The following SPINT2 variants were observed in gnomAD, a reference collection of about 807,000 sequenced individuals.
SPINT2 encodes the protein serine peptidase inhibitor, Kunitz type 2.
A neutral mutation model predicts 30.1 loss-of-function variants in SPINT2; 18 were observed. The ratio of observed to expected loss-of-function variants is 0.60; its 90% CI spans 0.41 to 0.89. The LOEUF (loss-of-function observed/expected upper bound fraction) is 0.89, where lower values mean the gene tolerates loss of function less well. Ranked by LOEUF, SPINT2 falls within the 40% of genes least tolerant of loss-of-function variation. SPINT2 has a pLI of 0.00. For synonymous variants in SPINT2, 139 were observed against 137.9 expected, an observed-to-expected ratio of 1.01 and a Z score of -0.05; for missense variants, 276 against 334.3, an observed-to-expected ratio of 0.83 and a Z score of 1.36.
At chr19:38,277,191 C>T (rs756652173) in intron 1 of SPINT2, among the ~76,000 whole-genome samples, 5 of 152,162 alleles carry the variant, frequency 3.3e-5, no homozygotes, top group Admixed American at 6.5e-5. Context: ...GCAAAGTAGA[C>T]ACAGCTGCAA....
chr19:38,269,776 A>AT (rs930425484), intron 1 of SPINT2, among the ~76,000 whole-genome samples: 15 of 150,388 alleles, frequency 1.0e-4, no homozygotes, highest in African/African-American at 3.4e-4. Flanking sequence ...CGCCCGGCTA[A>AT]TTTTTTGTAT....
Position 38,264,923 on chromosome 19 carries a change from C to T in SPINT2, c.31C>T (p.Arg11Trp). The T allele has an allele frequency of 1.3e-6, 2 of 1,535,994 alleles. No individual in the cohort carries two copies. The highest frequency in any genetic ancestry group is 1.7e-6 in the Non-Finnish European group (2 of 1,145,766). The change falls in exon 1 of 7, where the codon CGG (arginine) becomes TGG (tryptophan). Residue 11 changes from arginine to tryptophan, a missense_variant. Arg to Trp is a moderately radical substitution (Grantham distance 101, BLOSUM62 -3). Transcript: ENST00000301244. MAQLCGLRRS[R>W]AFLALLGSLL... ...GCAGCTGTGCGGGCTGAGGCGGAGCCGGGCGTTTCTCGCCCTGCTGGGATC... is the reference window on the plus strand; with the variant it reads ...GCAGCTGTGCGGGCTGAGGCGGAGCTGGGCGTTTCTCGCCCTGCTGGGATC...
intron 3 of SPINT2, 113 bp from the exon 4 acceptor site, chr19:38,289,025 C>G: frequency 1.1e-6 from 1 of 927,396 alleles, no homozygotes; most frequent in Non-Finnish European, 1.8e-6. Context: ...GGCTACACAC[C>G]CCTTCTTAAA....
intron 1 of SPINT2, among the ~76,000 whole-genome samples, chr19:38,283,032 T>C (rs983666299): frequency 1.1e-4 from 16 of 151,686 alleles, no homozygotes; most frequent in Admixed American, 2.6e-4. Flanking sequence ...CATGTTTCCA[T>C]TGGGCGTAGT....
At chr19:38,270,443 T>C (rs1968440314) in intron 1 of SPINT2, among the ~76,000 whole-genome samples, 1 of 152,126 alleles carries the variant, frequency 6.6e-6, no homozygotes, top group Non-Finnish European at 1.5e-5. Flanking sequence ...CTGAACAAAA[T>C]AGACCCCCTC....
At chr19:38,288,968 A>G in intron 3 of SPINT2, 170 bp from the exon 4 acceptor site, 1 of 666,240 alleles carries the variant, frequency 1.5e-6, no homozygotes, top group South Asian at 1.6e-5. Flanking sequence ...GTGTGTGCGT[A>G]GAGCCCATTA....
At chr19:38,288,067 GCTC>G (rs1968664250) in intron 3 of SPINT2, 132 bp downstream of exon 3, 1 of 1,049,318 alleles carries the variant, frequency 9.5e-7, no homozygotes, top group African/African-American at 1.6e-5. Context: ...CAAACCGGGG[GCTC>G]TGCCTGGGCT....
chr19:38,264,639 T>C lies in SPINT2; in HGVS notation c.-254T>C. Reference sequence around the variant, plus strand: ...GCGGCTCTGAACGCGCTGAGGGCCGTTGAGTGTCGCAGGCGGCGAGGGCGC... The same window carrying C: ...GCGGCTCTGAACGCGCTGAGGGCCGCTGAGTGTCGCAGGCGGCGAGGGCGC... On this transcript the variant is annotated 5_prime_UTR_variant, in exon 1 of 7. Transcript: ENST00000301244. 4.0e-6 allele frequency: 2 copies of C among 496,060 alleles called. No homozygotes were observed. The highest frequency in any genetic ancestry group is 7.3e-6 in the Non-Finnish European group (2 of 275,564). The allele number at this position is 496,060 out of a possible 1,614,324, so 30.7% of individuals were successfully genotyped here.
At position 38,290,436 on chromosome 19, in the gene SPINT2, A is replaced by G. The variant is rs544555212; in HGVS notation, c.554-101A>G. 1.2e-6 allele frequency: 2 copies of G among 1,606,116 alleles called. No individual in the cohort carries two copies. Among genetic ancestry groups the G allele is most frequent in the African/African-American group, 1.3e-5 (1 of 74,918 alleles). ...CAGAAAAGCTGGAAGAAAGCCCCTC[A>G]GAAAGAGCTCCCCATGGAGGCCCTG... On this transcript the variant is annotated intron_variant, in intron 5 of 6. Transcript: ENST00000301244. The surrounding 1 kb of genome is among the most constrained non-coding windows in gnomAD (Gnocchi z 4.3).
chr19:38,275,480 G>A (rs1301961789), intron 1 of SPINT2, among the ~76,000 whole-genome samples: 2 of 151,702 alleles, frequency 1.3e-5, no homozygotes, highest in Non-Finnish European at 2.9e-5. Context: ...GCGCGCCACT[G>A]TGCCGGGCTA....
At chr19:38,284,161 G>C (rs1297882115) in intron 2 of SPINT2, among the ~76,000 whole-genome samples, 1 of 149,524 alleles carries the variant, frequency 6.7e-6, no homozygotes, top group Non-Finnish European at 1.5e-5. Flanking sequence ...TTTTAGACAG[G>C]GTCTCACTGC....
At chr19:38,287,836 G>A (rs747453252) in intron 2 of SPINT2, 40 bp from the exon 3 acceptor site, 17 of 1,612,686 alleles carry the variant, frequency 1.1e-5, no homozygotes, top group East Asian at 2.2e-5. Flanking sequence ...GCAGTCTCTC[G>A]AAAGCTCTTT....
At chr19:38,284,986 G>A (rs1314176426) in intron 2 of SPINT2, among the ~76,000 whole-genome samples, 2 of 152,102 alleles carry the variant, frequency 1.3e-5, no homozygotes, top group Non-Finnish European at 2.9e-5. Context: ...AAAGTGCTGG[G>A]ATTACAGGTG....
At position 38,290,277 on chromosome 19, in the gene SPINT2, T is replaced by C; in HGVS notation, c.550T>C (p.Phe184Leu). 6.2e-7 allele frequency: 1 copy of C among 1,611,772 alleles called. No individual in the cohort carries two copies. The highest frequency in any genetic ancestry group is 8.5e-7 in the Non-Finnish European group (1 of 1,179,812). Residue 184 changes from phenylalanine to leucine, a missense_variant, in exon 5 of 7, where the codon TTC (phenylalanine) becomes CTC (leucine). Phe to Leu is a conservative substitution (Grantham distance 22). Transcript: ENST00000301244. This position sits in a 1 kb window ranked among gnomAD's most constrained non-coding sequence, Gnocchi z 4.3. Reference sequence around the variant, plus strand: ...TGAGGAGGCCTGCATGCTCCGCTGCTTCCGTAAGTCTGCAGCCCCTCAGCC... The same window carrying C: ...TGAGGAGGCCTGCATGCTCCGCTGCCTCCGTAAGTCTGCAGCCCCTCAGCC... The part of the protein sequence containing the change: ...RSEEACMLRC[F>L]RQQENPPLPL...
chr19:38,286,450 C>T (rs1394297922), intron 2 of SPINT2, among the ~76,000 whole-genome samples: 2 of 152,180 alleles, frequency 1.3e-5, no homozygotes, highest in Non-Finnish European at 2.9e-5. Context: ...GGGTTCCCTC[C>T]ATCTTGGACG....
intron 1 of SPINT2, among the ~76,000 whole-genome samples, chr19:38,274,812 TA>T (rs35633044): frequency 1.8e-3 from 249 of 139,846 alleles, no homozygotes; most frequent in Middle Eastern, 3.7e-3. Flanking sequence ...GAGACTGTCT[TA>T]AAAAAAAAAA....
In SPINT2 at chr19:38,291,865, G is replaced by T; in HGVS notation, c.618G>T (p.Val206=). The change falls in exon 7 of 7, where the codon GTG becomes GTT. Residue 206 remains valine (V), a synonymous_variant. Transcript: ENST00000301244. ...SKVVVLAGLF[V]MVLILFLGAS... ...TGGTGGTTCTGGCGGGGCTGTTCGT[G>T]ATGGTGTTGATCCTCTTCCTGGGAG... The T allele has an allele frequency of 6.2e-7, 1 of 1,613,190 alleles. No homozygotes were observed. The highest frequency in any genetic ancestry group is 1.3e-5 in the African/African-American group (1 of 75,004).
In SPINT2 at chr19:38,287,896, G is replaced by A; in HGVS notation, c.298G>A (p.Ala100Thr). Residue 100 changes from alanine to threonine, a missense_variant, in exon 3 of 7, where the codon GCC becomes ACC. Physicochemically the swap from Ala to Thr is moderately conservative, Grantham distance 58 (BLOSUM62 0). Transcript: ENST00000301244. ...TVTENATGDL[A>T]TSRNAADSSV... is the part of the protein sequence containing the mutation. ...TGCAGAGAATGCCACGGGTGACCTG[G>A]CCACCAGCAGGAATGCAGCGGATTC... 6.2e-7 allele frequency: 1 copy of A among 1,614,190 alleles called. No individual in the cohort carries two copies. The highest frequency in any genetic ancestry group is 8.5e-7 in the Non-Finnish European group (1 of 1,180,022).
intron 3 of SPINT2, chr19:38,288,910 T>C: frequency 1.8e-6 from 1 of 560,164 alleles, no homozygotes; most frequent in Non-Finnish European, 3.2e-6. Flanking sequence ...GCTTGGTTTC[T>C]ATAGGAACCC....
Sources: allele counts gnomAD v4.1 joint callset (sites outside exome capture counted in the v4.1 genomes callset), GRCh38; gene constraint gnomAD v4.1.1; non-coding constraint Gnocchi (gnomAD v3.1); transcripts MANE v1.5; gene names NCBI Gene and HGNC (gene_info 2026-07-23, HGNC 2026-07-21).